COLEC12: variants seen among roughly 807,000 people sequenced by gnomAD.
COLEC12 encodes collectin subfamily member 12.
In COLEC12, 33 loss-of-function variants were observed where a neutral mutation model predicts 71.1. The observed-to-expected ratio is 0.46, with a 90% CI of 0.35 to 0.62. COLEC12 has a LOEUF of 0.62. Among genes scored for constraint, COLEC12 ranks in the 20% least tolerant of loss-of-function variants. The probability of loss-of-function intolerance (pLI) is 0.00; values close to 1 mark genes in which losing one functional copy is unlikely to be tolerated. For missense variants in COLEC12, 765 were observed against 916.1 expected, an observed-to-expected ratio of 0.84 and a Z score of 2.13; for synonymous variants, 350 against 353.0, an observed-to-expected ratio of 0.99 and a Z score of 0.10.
At chr18:349,724 C>A (rs901478902) in intron 3 of COLEC12, among the ~76,000 whole-genome samples, 1 of 152,222 alleles carries the variant, frequency 6.6e-6, no homozygotes, top group Non-Finnish European at 1.5e-5. Flanking sequence ...TGGGAACCCA[C>A]CTCTTGCGTC....
intron 2 of COLEC12, among the ~76,000 whole-genome samples, chr18:374,932 A>G (rs1285052282): frequency 3.3e-5 from 5 of 152,234 alleles, no homozygotes; most frequent in Non-Finnish European, 4.4e-5. Flanking sequence ...GGCTGGACAC[A>G]GATACATGGG....
intron 9 of COLEC12, 118 bp from the exon 10 acceptor site, chr18:320,182 A>G: frequency 1.6e-6 from 1 of 615,228 alleles, no homozygotes; most frequent in Non-Finnish European, 2.9e-6. Context: ...ATCATTCAAC[A>G]ATGCTTATAT....
intron 2 of COLEC12, among the ~76,000 whole-genome samples, chr18:405,425 T>C (rs1915765575): frequency 6.6e-6 from 1 of 152,194 alleles, no homozygotes; most frequent in African/African-American, 2.4e-5. Context: ...AATAAAAACT[T>C]GCTGGTCTGA....
In COLEC12 at chr18:334,843, C is replaced by G; in HGVS notation, c.1715G>C (p.Gly572Ala). The G allele has an allele frequency of 6.6e-7, 1 of 1,526,226 alleles. No homozygotes were observed. Among genetic ancestry groups the G allele is most frequent in the Non-Finnish European group, 8.7e-7 (1 of 1,146,118 alleles). 94.5% of individuals were successfully genotyped at this position (1,526,226 alleles called of 1,614,324 possible). A position where few individuals can be genotyped will look rare whatever the true frequency, so the allele number is the denominator to read the frequency against. Reference protein sequence around the residue: ...RGLPGLPGVPGMPGPKGPPGP... With the variant: ...RGLPGLPGVPAMPGPKGPPGP... The stretch of plus-strand genomic sequence containing the variant: ...GGGGGGGCCCTTGGGGCCTGGCATG[C>G]CTGGTACCCCAGGCAAGCCTGGCAG... Residue 572 changes from glycine (G) to alanine (A), a missense_variant, in exon 6 of 10, where the codon GGC (glycine) becomes GCC (alanine). Physicochemically the swap from Gly to Ala is moderately conservative, Grantham distance 60. Transcript: ENST00000400256.
intron 1 of COLEC12, among the ~76,000 whole-genome samples, chr18:482,585 G>A (rs1917443433): frequency 6.6e-6 from 1 of 152,142 alleles, no homozygotes; most frequent in African/African-American, 2.4e-5. Flanking sequence ...GGCTTCAGAG[G>A]TGAGTAAGTC....
rs111310285 is a variant in COLEC12, at chr18:357,427, T to C, written c.154A>G (p.Ile52Val). The change falls in exon 3 of 10, where the codon ATC (isoleucine) becomes GTC (valine). Residue 52 changes from isoleucine (I) to valine (V), a missense_variant. Physicochemically the swap from Ile to Val is conservative, Grantham distance 29. Transcript: ENST00000400256. ...TTATATCCCAAAATGGCTACTGTGA[T>C]TGTTAGCAAGGCACACAAAATGTAT... ...LLYILCALLT[I>V]TVAILGYKVV... 3,566 of 1,602,166 alleles carry C rather than the reference T, an allele frequency of 2.2e-3. 56 individuals are homozygous for C. The African/African-American group carries it at 0.043, about 19-fold the overall frequency.
rs753597868 is a variant in COLEC12, at chr18:348,114, T to G, written c.231A>C (p.Gln77His). ...NVTGGMETSR[Q>H]TYDDKLTAVE... The stretch of plus-strand genomic sequence containing the variant: ...CTGCTGTGAGCTTGTCATCATAGGT[T>G]TGGCGAGATGTTTCCATGCCACCTG... The change falls in exon 4 of 10, where the codon CAA (glutamine) becomes CAC (histidine). Residue 77 changes from glutamine to histidine, a missense_variant. Coordinates refer to ENST00000400256, the MANE Select transcript of COLEC12 (RefSeq NM_130386.3). 1 of 1,614,086 alleles carries G rather than the reference T, an allele frequency of 6.2e-7. No homozygotes were observed. The highest frequency in any genetic ancestry group is 8.5e-7 in the Non-Finnish European group (1 of 1,179,958).
At position 399,157 on chromosome 18, in the gene COLEC12, A is replaced by C. The variant is rs1915628894; in HGVS notation, c.59-41635T>G. On this transcript the variant is annotated intron_variant, in intron 2 of 9. Transcript: ENST00000400256. This position sits in a 1 kb window ranked among gnomAD's most constrained non-coding sequence, Gnocchi z 4.0. ...AAGCAAAGGAACCAAAAACAACACAAAAAAACCCCAATCTGAAACACTATC... is the reference window on the plus strand; with the variant it reads ...AAGCAAAGGAACCAAAAACAACACACAAAAACCCCAATCTGAAACACTATC... Among the ~76,000 whole-genome samples, 1 of 149,932 alleles carries C rather than the reference A, an allele frequency of 6.7e-6. No homozygotes were observed. The highest frequency in any genetic ancestry group is 1.5e-5 in the Non-Finnish European group (1 of 68,016).
chr18:359,480 T>C (rs1036547884), intron 2 of COLEC12, among the ~76,000 whole-genome samples: 1 of 152,196 alleles, frequency 6.6e-6, no homozygotes, highest in Non-Finnish European at 1.5e-5. Context: ...ATTTGAATAA[T>C]GACTGTAGAA....
intron 1 of COLEC12, among the ~76,000 whole-genome samples, chr18:483,807 G>A (rs1917470114): frequency 6.6e-6 from 1 of 152,208 alleles, no homozygotes; most frequent in African/African-American, 2.4e-5. Context: ...TGCTGCGTCT[G>A]CTTAGATATC....
At position 346,271 on chromosome 18, in the gene COLEC12, T is replaced by C. The variant is rs746698170; in HGVS notation, c.1327+24A>G. 1.3e-6 allele frequency: 2 copies of C among 1,541,112 alleles called. No individual in the cohort carries two copies. Among genetic ancestry groups the C allele is most frequent in the East Asian group, 2.3e-5 (1 of 44,356 alleles). Reference sequence around the variant, plus strand: ...TGCAGCAATAAACAACTAATACAAATACAAATTCAGAATTTTGACTTACCT... The same window carrying C: ...TGCAGCAATAAACAACTAATACAAACACAAATTCAGAATTTTGACTTACCT... On this transcript the variant is annotated intron_variant, in intron 5 of 9. Coordinates refer to ENST00000400256, the MANE Select transcript of COLEC12 (RefSeq NM_130386.3). This position sits in a 1 kb window ranked among gnomAD's most constrained non-coding sequence, Gnocchi z 4.0.
In COLEC12 at chr18:347,340, A is replaced by G; in HGVS notation, c.282T>C (p.Gly94=). Reference sequence around the variant, plus strand: ...TGATAGCTTTCTTCCCAGTTTGGTCACCTGGAATAAGAAATATCTGTGACT... The same window carrying G: ...TGATAGCTTTCTTCCCAGTTTGGTCGCCTGGAATAAGAAATATCTGTGACT... ...TAVESDLKKL[G]DQTGKKAIST... Residue 94 remains glycine, a splice_region_variant and synonymous_variant, in exon 5 of 10, where the codon GGT becomes GGC. Coordinates refer to ENST00000400256, the MANE Select transcript of COLEC12 (RefSeq NM_130386.3). The G allele has an allele frequency of 1.2e-6, 2 of 1,609,644 alleles. No individual in the cohort carries two copies. The highest frequency in any genetic ancestry group is 1.7e-6 in the Non-Finnish European group (2 of 1,176,946).
intron 2 of COLEC12, among the ~76,000 whole-genome samples, chr18:477,064 G>A (rs1917319478): frequency 1.3e-5 from 2 of 152,132 alleles, no homozygotes; most frequent in Non-Finnish European, 2.9e-5. Flanking sequence ...AACAAGCTTG[G>A]TATATGGAAA....
At chr18:350,218 C>T (rs1232387633) in intron 3 of COLEC12, among the ~76,000 whole-genome samples, 2 of 152,176 alleles carry the variant, frequency 1.3e-5, no homozygotes, top group African/African-American at 4.8e-5. Flanking sequence ...CGGTTTCCCC[C>T]ATACTGTTCT....
chr18:455,914 G>A (rs530249943), intron 2 of COLEC12, among the ~76,000 whole-genome samples: 23 of 152,224 alleles, frequency 1.5e-4, no homozygotes, highest in African/African-American at 5.5e-4. Flanking sequence ...GCCCATTCAT[G>A]GGCATTTGGG....
At chr18:334,646 A>C in intron 6 of COLEC12, 96 bp downstream of exon 6, 1 of 1,178,814 alleles carries the variant, frequency 8.5e-7, no homozygotes, top group East Asian at 2.9e-5. Context: ...AACAAAAACA[A>C]AAATAACATG....
chr18:444,770 A>G (rs1192127209), intron 2 of COLEC12, among the ~76,000 whole-genome samples: 3 of 152,244 alleles, frequency 2.0e-5, no homozygotes, highest in Non-Finnish European at 4.4e-5. Flanking sequence ...GATTGACGTG[A>G]TATTTCCATA....
At chr18:340,595 G>A (rs959903937) in intron 5 of COLEC12, among the ~76,000 whole-genome samples, 1 of 152,102 alleles carries the variant, frequency 6.6e-6, no homozygotes, top group Non-Finnish European at 1.5e-5. Flanking sequence ...CAAAACTCCC[G>A]GTGCTTAACA....
intron 2 of COLEC12, among the ~76,000 whole-genome samples, chr18:393,332 G>A (rs898754457): frequency 5.9e-5 from 9 of 152,068 alleles, no homozygotes; most frequent in East Asian, 1.9e-4. Flanking sequence ...TGTTTCTCTC[G>A]AGCATTTGGC....
Sources: gnomAD v4.1 joint callset for allele counts (sites outside exome capture counted in the v4.1 genomes callset) on GRCh38, gnomAD v4.1.1 for gene constraint, Gnocchi (gnomAD v3.1) non-coding constraint, MANE v1.5 for transcripts, NCBI Gene and HGNC (gene_info 2026-07-23, HGNC 2026-07-21) for gene names.